ADAM12: variants seen among roughly 807,000 people sequenced by gnomAD.
ADAM12 encodes the protein disintegrin and metalloproteinase domain-containing protein 12.
Under a neutral mutation model 106.4 loss-of-function variants are expected in ADAM12, and 70 were observed. The observed-to-expected ratio is 0.66, with a 90% CI of 0.54 to 0.80. ADAM12 has a LOEUF of 0.80. ADAM12 is among the 30% of genes least tolerant of loss of function. The pLI is 0.00. For missense variants in ADAM12, 1,010 were observed against 1,171.9 expected (o/e 0.86, Z 2.02); for synonymous variants, 420 against 433.5 (o/e 0.97, Z 0.39).
chr10:126,388,357 TGCGCGCGC>T lies in ADAM12; in HGVS notation c.-220_-213del, dbSNP rs142488050. On this transcript the variant is annotated 5_prime_UTR_variant, in exon 1 of 23. Coordinates refer to ENST00000448723, the MANE Select transcript of ADAM12 (RefSeq NM_001288973.2). This position sits in a 1 kb window ranked among gnomAD's most constrained non-coding sequence, Gnocchi z 4.4. ...GTTTCCCCCCGTGTGTGTGCGTGCG[TGCGCGCGC>T]GCGCGCCGTTCTGGCACAAGCCAGC... The T allele has an allele frequency of 1.4e-5, 9 of 643,854 alleles. No homozygotes were observed. The highest frequency in any genetic ancestry group is 3.9e-5 in the African/African-American group (2 of 51,616). 39.9% of individuals were successfully genotyped at this position (643,854 alleles called of 1,614,324 possible).
chr10:126,204,513 G>C (rs1957760636), intron 3 of ADAM12, among the ~76,000 whole-genome samples: 1 of 152,192 alleles, frequency 6.6e-6, no homozygotes, highest in South Asian at 2.1e-4. Context: ...TACTCACATG[G>C]AACAGAAAGC....
chr10:126,087,016 G>A (rs1955370720), intron 11 of ADAM12, among the ~76,000 whole-genome samples: 1 of 127,824 alleles, frequency 7.8e-6, no homozygotes, highest in Non-Finnish European at 1.6e-5. Flanking sequence ...CTAGGTGACA[G>A]AGCGAGGCTC....
At chr10:126,048,761 A>G (rs1954394422) in intron 16 of ADAM12, among the ~76,000 whole-genome samples, 1 of 151,504 alleles carries the variant, frequency 6.6e-6, no homozygotes, top group Non-Finnish European at 1.5e-5. Context: ...AAACCTCAAA[A>G]TATCTCCATG....
intron 3 of ADAM12, among the ~76,000 whole-genome samples, chr10:126,265,841 C>T (rs1183622109): frequency 4.6e-5 from 7 of 152,080 alleles, no homozygotes; most frequent in African/African-American, 1.2e-4. Context: ...ACACATACAA[C>T]GTGGGGACTG....
chr10:126,248,015 G>T (rs1277288656), intron 3 of ADAM12, among the ~76,000 whole-genome samples: 1 of 152,198 alleles, frequency 6.6e-6, no homozygotes, highest in Non-Finnish European at 1.5e-5. Context: ...TTGGAAGATT[G>T]CTGGAGAAGG....
chr10:126,387,968 C>T, intron 1 of ADAM12, 90 bp downstream of exon 1: 3 of 1,172,796 alleles, frequency 2.6e-6, no homozygotes, highest in South Asian at 8.4e-5. Flanking sequence ...CGTCGCCCCT[C>T]GGGGCAGCCC....
At chr10:126,118,686 C>G (rs1956032334) in intron 5 of ADAM12, among the ~76,000 whole-genome samples, 1 of 152,146 alleles carries the variant, frequency 6.6e-6, no homozygotes, top group African/African-American at 2.4e-5. Flanking sequence ...ATGGTGAAGT[C>G]TAGGATTTTA....
chr10:126,128,054 G>T (rs1956234696), intron 5 of ADAM12, among the ~76,000 whole-genome samples: 1 of 152,078 alleles, frequency 6.6e-6, no homozygotes. Context: ...AATTGAACGG[G>T]GGTCAGCCAG....
At chr10:126,040,274 GA>G (rs1394692383) in intron 18 of ADAM12, among the ~76,000 whole-genome samples, 6 of 152,182 alleles carry the variant, frequency 3.9e-5, no homozygotes, top group African/African-American at 1.4e-4. Context: ...ATTTTTAGAG[GA>G]CAGGGATCTT....
chr10:126,355,609 G>T lies in ADAM12; in HGVS notation c.89-25100C>A, dbSNP rs1181772951. ...CTTTCATTCAGCATGGTGCCACACA[G>T]AGAGGATGCCTCAGGGCCCATGGTT... is the stretch of plus-strand genomic sequence containing the variant. On this transcript the variant is annotated intron_variant, in intron 1 of 22. Coordinates refer to ENST00000448723, the MANE Select transcript of ADAM12 (RefSeq NM_001288973.2). Among the ~76,000 whole-genome samples, 3 of 152,246 alleles carry T rather than the reference G, an allele frequency of 2.0e-5. No homozygotes were observed. The South Asian group carries it at 6.2e-4, about 31-fold the overall frequency.
At chr10:126,163,740 C>A (rs2133747607) in intron 3 of ADAM12, among the ~76,000 whole-genome samples, 1 of 152,290 alleles carries the variant, frequency 6.6e-6, no homozygotes, top group East Asian at 1.9e-4. Flanking sequence ...CAAGACTTTC[C>A]CTATTCGGCC....
chr10:126,123,584 C>A (rs1207585229), intron 5 of ADAM12, among the ~76,000 whole-genome samples: 1 of 152,180 alleles, frequency 6.6e-6, no homozygotes, highest in Non-Finnish European at 1.5e-5. Flanking sequence ...CTTCTAGGAT[C>A]CAGGTTCTGG....
intron 5 of ADAM12, among the ~76,000 whole-genome samples, chr10:126,132,528 C>CG (rs897143383): frequency 4.3e-5 from 6 of 139,978 alleles, no homozygotes; most frequent in East Asian, 2.6e-4. Context: ...ATGAACACCC[C>CG]CCCCCCCTCA....
intron 1 of ADAM12, among the ~76,000 whole-genome samples, chr10:126,361,039 G>C (rs181913073): frequency 1.3e-5 from 2 of 152,118 alleles, no homozygotes; most frequent in Non-Finnish European, 2.9e-5. Context: ...ATCAGATCTC[G>C]TGAGGCTTAT....
At chr10:126,112,043 A>C (rs894269956) in intron 6 of ADAM12, among the ~76,000 whole-genome samples, 1 of 152,226 alleles carries the variant, frequency 6.6e-6, no homozygotes, top group African/African-American at 2.4e-5. Context: ...GTATATACAT[A>C]CACCACGGAA....
intron 2 of ADAM12, among the ~76,000 whole-genome samples, chr10:126,295,659 G>C (rs1427194651): frequency 6.6e-6 from 1 of 151,690 alleles, no homozygotes; most frequent in Non-Finnish European, 1.5e-5. Context: ...AATAAGAAAA[G>C]TTAATAAATG....
chr10:126,132,101 A>G (rs1956316089), intron 5 of ADAM12, among the ~76,000 whole-genome samples: 2 of 151,838 alleles, frequency 1.3e-5, no homozygotes, highest in Admixed American at 1.3e-4. Flanking sequence ...CAGCCTCCCA[A>G]GTAGCTGGGA....
chr10:126,387,989 CG>C, intron 1 of ADAM12, 68 bp downstream of exon 1: 1 of 1,185,238 alleles, frequency 8.4e-7, no homozygotes, highest in African/African-American at 1.6e-5. Context: ...TGGACCTCGG[CG>C]CGCCCAGGCG....
At chr10:126,120,125 G>A (rs1480168217) in intron 5 of ADAM12, among the ~76,000 whole-genome samples, 1 of 152,128 alleles carries the variant, frequency 6.6e-6, no homozygotes, top group East Asian at 1.9e-4. Context: ...AACCTTTTGT[G>A]AGACATGAAC....
Sources: allele counts gnomAD v4.1 joint callset (sites outside exome capture counted in the v4.1 genomes callset), GRCh38; gene constraint gnomAD v4.1.1; non-coding constraint Gnocchi (gnomAD v3.1); transcripts MANE v1.5; gene names NCBI Gene and HGNC (gene_info 2026-07-23, HGNC 2026-07-21).